Variants in ZNF469 observed in about 807,000 individuals in gnomAD.
ZNF469 encodes zinc finger protein 469.
In ZNF469, 1 loss-of-function variant was observed where a neutral mutation model predicts 1.0. That is an observed-to-expected ratio of 1.00 (90% CI 0.35 to 4.73). The LOEUF is 4.73. Ranked by LOEUF, ZNF469 falls within the 30% of genes most tolerant of loss-of-function variation. The probability of loss-of-function intolerance (pLI) is 0.16; values close to 1 mark genes in which losing one functional copy is unlikely to be tolerated. For synonymous variants in ZNF469, 2,703 were observed against 2,363.4 expected (o/e 1.14, Z -4.17); for missense variants, 6,100 against 5,356.3 (o/e 1.14, Z -4.33).
the ZNF469 span, among the ~76,000 whole-genome samples, chr16:88,231,077 G>A: frequency 2.3e-4 from 35 of 152,184 alleles, no homozygotes; most frequent in African/African-American, 7.7e-4. This position sits in a 1 kb window ranked among gnomAD's most constrained non-coding sequence, Gnocchi z 4.5. Context: ...CCCAACACAC[G>A]CAAGCCCTTC....
chr16:88,225,858 G>T, the ZNF469 span, among the ~76,000 whole-genome samples: 1 of 152,208 alleles, frequency 6.6e-6, no homozygotes, highest in Non-Finnish European at 1.5e-5. Flanking sequence ...TGTTTGCAAA[G>T]TACTTAGTCT....
the ZNF469 span, among the ~76,000 whole-genome samples, chr16:88,341,313 G>C: frequency 6.6e-6 from 1 of 152,148 alleles, no homozygotes; most frequent in Admixed American, 6.5e-5. Flanking sequence ...CCCAGGAGGC[G>C]CATGGGCCAG....
In ZNF469 at chr16:88,392,458, C is replaced by T. The variant is rs368196925; in HGVS notation, c.-192+9204C>T. On this transcript the variant is annotated intron_variant, in intron 1 of 2. Transcript: ENST00000565624. ...CCACACCCGACTTTTGTGTCCATCA[C>T]GGACCTCTTTCGTCTCTGAGAGTTC... Among the ~76,000 whole-genome samples the T allele has an allele frequency of 1.6e-4, 25 of 152,376 alleles. No homozygotes were observed. The East Asian group carries it at 2.9e-3, about 18-fold the overall frequency.
chr16:88,428,916 G>A lies in ZNF469; in HGVS notation c.1446G>A (p.Leu482=), dbSNP rs1199322649. 4 of 1,546,000 alleles carry A rather than the reference G, an allele frequency of 2.6e-6. No individual in the cohort carries two copies. Among genetic ancestry groups the A allele is most frequent in the Admixed American group, 2.0e-5 (1 of 50,858 alleles). ...TCTGCCTCCCCCAGAGTGCCCCCCT[G>A]CCTTGGCCCCAAGTGCTCCCGACCG... ...QRLCLPQSAP[L]PWPQVLPTAR... is the part of the protein sequence containing the mutation. Residue 482 remains leucine (L), a synonymous_variant, in exon 3 of 3, where the codon CTG becomes CTA. Transcript: ENST00000565624.
the ZNF469 span, among the ~76,000 whole-genome samples, chr16:88,246,782 T>G: frequency 3.0e-4 from 45 of 151,688 alleles, no homozygotes; most frequent in East Asian, 7.4e-3. Context: ...AGTGAGTGAG[T>G]GAGGGAGGGA....
chr16:88,221,829 G>T, the ZNF469 span, among the ~76,000 whole-genome samples: 11 of 152,144 alleles, frequency 7.2e-5, no homozygotes, highest in Admixed American at 6.5e-4. Context: ...ACTCTTCTCT[G>T]CTTGTGGACA....
chr16:88,308,528 ACT>A, the ZNF469 span, among the ~76,000 whole-genome samples: 1 of 151,684 alleles, frequency 6.6e-6, no homozygotes, highest in East Asian at 1.9e-4. Flanking sequence ...GCCCCTCCAC[ACT>A]CTGTTCTCTG....
chr16:88,178,974 G>A, the ZNF469 span: 5 of 151,904 alleles, frequency 3.3e-5, no homozygotes, highest in Admixed American at 1.3e-4. Context: ...CACATATGTG[G>A]GCCATGAGGA....
chr16:88,372,070 ACC>A, the ZNF469 span, among the ~76,000 whole-genome samples: 2 of 8,774 alleles, frequency 2.3e-4, no homozygotes, highest in South Asian at 8.8e-3. Context: ...CACCATCATC[ACC>A]ATCACCACCA....
chr16:88,436,665 A>G lies in ZNF469; in HGVS notation c.9195A>G (p.Glu3065=), dbSNP rs1011602148. The change falls in exon 3 of 3, where the codon GAA becomes GAG. Residue 3065 remains glutamate (E), a synonymous_variant. Transcript: ENST00000565624. ...MQDLCFLGPF[E]DPVGLPGPSF... ...ACCTGTGCTTTCTGGGACCCTTTGAAGACCCCGTGGGTCTCCCCGGCCCCA... is the reference window on the plus strand; with the variant it reads ...ACCTGTGCTTTCTGGGACCCTTTGAGGACCCCGTGGGTCTCCCCGGCCCCA... 2 of 1,550,164 alleles carry G rather than the reference A, an allele frequency of 1.3e-6. No homozygotes were observed. Among genetic ancestry groups the G allele is most frequent in the Non-Finnish European group, 1.7e-6 (2 of 1,146,942 alleles).
the ZNF469 span, among the ~76,000 whole-genome samples, chr16:88,273,783 G>A: frequency 1.3e-5 from 2 of 151,680 alleles, no homozygotes; most frequent in Non-Finnish European, 2.9e-5. Context: ...CATACAATGT[G>A]GTGTATTCAC....
At chr16:88,163,019 G>A in the ZNF469 span, among the ~76,000 whole-genome samples, 1 of 151,946 alleles carries the variant, frequency 6.6e-6, no homozygotes, top group Non-Finnish European at 1.5e-5. Flanking sequence ...ATGGATGTGT[G>A]GATTGATGGG....
chr16:88,121,410 C>A, the ZNF469 span, among the ~76,000 whole-genome samples: 3 of 152,170 alleles, frequency 2.0e-5, no homozygotes, highest in African/African-American at 7.2e-5. Context: ...TGTCATGAGC[C>A]GAACATTTCA....
At chr16:88,124,193 T>C in the ZNF469 span, among the ~76,000 whole-genome samples, 3 of 152,200 alleles carry the variant, frequency 2.0e-5, no homozygotes, top group African/African-American at 7.2e-5. Flanking sequence ...GGTATCTGTT[T>C]GACCAGAATT....
the ZNF469 span, among the ~76,000 whole-genome samples, chr16:88,103,544 C>T: frequency 3.3e-5 from 5 of 152,202 alleles, no homozygotes; most frequent in Non-Finnish European, 2.9e-5. Context: ...TTGTCCCCCC[C>T]GAATCTCCCC....
chr16:88,347,368 C>T, the ZNF469 span, among the ~76,000 whole-genome samples: 1 of 152,130 alleles, frequency 6.6e-6, no homozygotes, highest in Admixed American at 6.5e-5. Flanking sequence ...GGTCCTAATT[C>T]ACTAGCACTG....
chr16:88,203,505 G>A, the ZNF469 span, among the ~76,000 whole-genome samples: 5 of 152,156 alleles, frequency 3.3e-5, no homozygotes, highest in Admixed American at 6.5e-5. Flanking sequence ...GGGCGGGGAC[G>A]GGGCGGGGGT....
At chr16:88,284,950 C>G in the ZNF469 span, among the ~76,000 whole-genome samples, 1 of 152,262 alleles carries the variant, frequency 6.6e-6, no homozygotes. Context: ...GCTGATTGCA[C>G]TGAGATGTTA....
At chr16:88,224,560 G>A in the ZNF469 span, among the ~76,000 whole-genome samples, 21 of 152,332 alleles carry the variant, frequency 1.4e-4, no homozygotes, top group African/African-American at 4.8e-4. Flanking sequence ...TGGTAAACCC[G>A]TCAGCTTCTC....
Sources: gnomAD v4.1 joint callset for allele counts (sites outside exome capture counted in the v4.1 genomes callset) on GRCh38, gnomAD v4.1.1 for gene constraint, Gnocchi (gnomAD v3.1) non-coding constraint, MANE v1.5 for transcripts, NCBI Gene and HGNC (gene_info 2026-07-23, HGNC 2026-07-21) for gene names.